Variants in MAP3K5 observed in about 807,000 individuals in gnomAD.
The protein encoded by MAP3K5 is mitogen-activated protein kinase kinase kinase 5, also known as ASK-1.
A neutral mutation model predicts 158.7 loss-of-function variants in MAP3K5; 56 were observed. The observed-to-expected ratio is 0.35, with a 90% confidence interval of 0.28 to 0.44. The LOEUF (loss-of-function observed/expected upper bound fraction) is 0.44. MAP3K5 is among the 20% of genes least tolerant of loss of function. The pLI, the probability that MAP3K5 is intolerant of heterozygous loss-of-function variation, is 1.00. For synonymous variants in MAP3K5, 579 were observed against 601.7 expected (o/e 0.96, Z 0.55); for missense variants, 1,294 against 1,674.8 (o/e 0.77, Z 3.97).
chr6:136,647,362 C>A (rs139170853), intron 11 of MAP3K5, among the ~76,000 whole-genome samples: 2 of 152,278 alleles, frequency 1.3e-5, no homozygotes, highest in Non-Finnish European at 2.9e-5. Flanking sequence ...ACATACATGG[C>A]AACTAAAGCA....
At chr6:136,784,109 T>C (rs764714602) in intron 1 of MAP3K5, among the ~76,000 whole-genome samples, 1 of 152,130 alleles carries the variant, frequency 6.6e-6, no homozygotes, top group African/African-American at 2.4e-5. Flanking sequence ...GCCTGTGTTA[T>C]GCGCTTATAT....
At chr6:136,657,784 C>T (rs1284978057) in intron 9 of MAP3K5, among the ~76,000 whole-genome samples, 2 of 152,110 alleles carry the variant, frequency 1.3e-5, no homozygotes, top group Non-Finnish European at 2.9e-5. Context: ...AGAATGTGTG[C>T]ATTCTGAGAG....
intron 1 of MAP3K5, among the ~76,000 whole-genome samples, chr6:136,728,137 A>G (rs1186839210): frequency 6.6e-6 from 1 of 152,124 alleles, no homozygotes; most frequent in Non-Finnish European, 1.5e-5. Flanking sequence ...GCATAATAAA[A>G]TTTTTAGGGT....
intron 7 of MAP3K5, among the ~76,000 whole-genome samples, chr6:136,681,812 G>T (rs1779949669): frequency 6.6e-6 from 1 of 152,104 alleles, no homozygotes; most frequent in South Asian, 2.1e-4. Flanking sequence ...CCAGCTACTT[G>T]GGAGGCTGAG....
intron 2 of MAP3K5, among the ~76,000 whole-genome samples, chr6:136,707,558 G>GC (rs1491527779): frequency 8.8e-6 from 1 of 113,770 alleles, no homozygotes; most frequent in Non-Finnish European, 1.7e-5. Context: ...AGAGGTACTT[G>GC]GGGGGGGGGG....
chr6:136,674,082 T>C (rs554342762), intron 7 of MAP3K5, among the ~76,000 whole-genome samples: 22 of 151,410 alleles, frequency 1.5e-4, no homozygotes, highest in African/African-American at 4.8e-4. Flanking sequence ...GTACAAACTA[T>C]GGAAGCCAGA....
At chr6:136,761,931 C>T (rs1029993500) in intron 1 of MAP3K5, among the ~76,000 whole-genome samples, 4 of 152,140 alleles carry the variant, frequency 2.6e-5, no homozygotes, top group Admixed American at 6.6e-5. Flanking sequence ...GCAGATATAA[C>T]GCATTTGGGG....
At chr6:136,765,272 C>G (rs898649479) in intron 1 of MAP3K5, among the ~76,000 whole-genome samples, 1 of 152,126 alleles carries the variant, frequency 6.6e-6, no homozygotes, top group Non-Finnish European at 1.5e-5. Flanking sequence ...TTAACTTTCT[C>G]AATAAGCCTA....
intron 11 of MAP3K5, among the ~76,000 whole-genome samples, chr6:136,642,803 G>A (rs530646312): frequency 2.0e-5 from 3 of 152,128 alleles, no homozygotes; most frequent in Non-Finnish European, 2.9e-5. Context: ...AAAGAGCCTA[G>A]GAGAATTAGT....
At chr6:136,696,476 A>G (rs1042824289) in intron 5 of MAP3K5, among the ~76,000 whole-genome samples, 5 of 152,208 alleles carry the variant, frequency 3.3e-5, no homozygotes, top group African/African-American at 1.2e-4. Context: ...ACACAGTTTC[A>G]TGTCACATGA....
At chr6:136,776,455 T>A (rs1784407296) in intron 1 of MAP3K5, among the ~76,000 whole-genome samples, 1 of 152,140 alleles carries the variant, frequency 6.6e-6, no homozygotes, top group South Asian at 2.1e-4. Context: ...ACGTTGCCCA[T>A]TCTAGTCTTG....
chr6:136,614,271 C>A lies in MAP3K5; in HGVS notation c.2166G>T (p.Leu722=), dbSNP rs1222868231. The change falls in exon 16 of 30, where the codon CTG becomes CTT. Residue 722 remains leucine, a synonymous_variant. Transcript: ENST00000359015. ...GTTTATGCAATGCTATTTCTTCATG[C>A]AGGGGCTGAGAGTATCTAAAAGACA... ...PERDSRYSQP[L]HEEIALHKHL... is the part of the protein sequence containing the mutation. The A allele has an allele frequency of 1.2e-6, 2 of 1,613,228 alleles. No homozygotes were observed. Among genetic ancestry groups the A allele is most frequent in the African/African-American group, 1.3e-5 (1 of 74,908 alleles).
At chr6:136,563,351 T>C (rs1012335158) in intron 26 of MAP3K5, among the ~76,000 whole-genome samples, 1 of 152,194 alleles carries the variant, frequency 6.6e-6, no homozygotes, top group Admixed American at 6.5e-5. Flanking sequence ...TGTGCATAAT[T>C]TCATAATCAA....
rs181383004 is a variant in MAP3K5 at position 136,764,775 on chromosome 6, G to T, written c.448+26935C>A. Among the ~76,000 whole-genome samples the T allele has an allele frequency of 3.0e-3, 454 of 152,248 alleles. 1 individual carries two copies. The highest frequency in any genetic ancestry group is 0.01 in the African/African-American group (431 of 41,534). The stretch of plus-strand genomic sequence containing the variant: ...TGCTTCTTTAATATATATTTTCTCA[G>T]TTAATGCTCAAAACTATGCTAAGAC... On this transcript the variant is annotated intron_variant, in intron 1 of 29. Transcript: ENST00000359015.
In MAP3K5 at chr6:136,585,459, C is replaced by CTTTTCT. The variant is rs1309464961; in HGVS notation, c.3226-1720_3226-1719insAGAAAA. Among the ~76,000 whole-genome samples, 16 of 130,766 alleles carry CTTTTCT rather than the reference C, an allele frequency of 1.2e-4. No individual in the cohort carries two copies. In the East Asian group the frequency reaches 1.5e-3, roughly 12 times the overall value. The allele number at this position is 130,766 out of a possible 152,430, so 85.8% of individuals were successfully genotyped here. A position where few individuals can be genotyped will look rare whatever the true frequency, so the allele number is the denominator to read the frequency against. ...TCCTTTGAGCAAGGCATATTGCTTC[C>CTTTTCT]TTTCTTTTCTTTTCTTTATTTATTT... On this transcript the variant is annotated intron_variant, in intron 23 of 29. Transcript: ENST00000359015.
intron 1 of MAP3K5, among the ~76,000 whole-genome samples, chr6:136,740,557 A>C (rs1353081892): frequency 6.6e-6 from 1 of 152,130 alleles, no homozygotes; most frequent in Non-Finnish European, 1.5e-5. Flanking sequence ...TATCTGAAAG[A>C]CTTCTCCCCA....
intron 9 of MAP3K5, among the ~76,000 whole-genome samples, chr6:136,658,396 C>G (rs1188772863): frequency 4.7e-5 from 7 of 147,800 alleles, no homozygotes; most frequent in African/African-American, 1.0e-4. Context: ...CTCACTGCAA[C>G]CTCCGCCTCC....
At chr6:136,786,168 G>A (rs192144313) in intron 1 of MAP3K5, among the ~76,000 whole-genome samples, 224 of 152,186 alleles carry the variant, frequency 1.5e-3, no homozygotes, top group Middle Eastern at 3.4e-3. Context: ...CTGAGGTCAG[G>A]AGTTTGAGAC....
At chr6:136,774,541 G>C (rs9321570) in intron 1 of MAP3K5, among the ~76,000 whole-genome samples, 94,333 of 152,058 alleles carry the variant, frequency 0.62, 29,406 homozygotes, top group Admixed American at 0.68. Context: ...ACTGTGAGCC[G>C]CTCCAGGAAA....
Sources: gnomAD v4.1 joint callset for allele counts (sites outside exome capture counted in the v4.1 genomes callset) on GRCh38, gnomAD v4.1.1 for gene constraint, MANE v1.5 for transcripts, NCBI Gene and HGNC (gene_info 2026-07-23, HGNC 2026-07-21) for gene names.